The following NCOA2 variants were observed in gnomAD, a reference collection of about 807,000 sequenced individuals.
The protein encoded by NCOA2 is class E basic helix-loop-helix protein 75.
In NCOA2, 21 loss-of-function variants were observed where a neutral mutation model predicts 145.1. The ratio of observed to expected loss-of-function variants is 0.14; its 90% CI spans 0.10 to 0.21. The LOEUF (loss-of-function observed/expected upper bound fraction) is 0.21, where lower values mean the gene tolerates loss of function less well. NCOA2 is among the 10% of genes least tolerant of loss of function. NCOA2 has a pLI of 1.00. For synonymous variants in NCOA2, 619 were observed against 637.5 expected (o/e 0.97, Z 0.44); for missense variants, 1,472 against 1,837.6 (o/e 0.80, Z 3.64).
chr8:70,175,316 A>T (rs1814705866), intron 4 of NCOA2, among the ~76,000 whole-genome samples: 1 of 152,248 alleles, frequency 6.6e-6, no homozygotes, highest in Non-Finnish European at 1.5e-5. Context: ...TGCCCCCATG[A>T]GACATTCTGC....
At chr8:70,151,184 AG>A (rs1457184146) in intron 11 of NCOA2, among the ~76,000 whole-genome samples, 1 of 152,236 alleles carries the variant, frequency 6.6e-6, no homozygotes. Flanking sequence ...ATAAAAGTAA[AG>A]TATGTTATTT....
At chr8:70,167,188 T>C (rs1031126443) in intron 6 of NCOA2, among the ~76,000 whole-genome samples, 1 of 152,248 alleles carries the variant, frequency 6.6e-6, no homozygotes, top group Non-Finnish European at 1.5e-5. Context: ...AAGTCAGCCC[T>C]GCTCAAAATT....
At chr8:70,147,809 A>T (rs1228470457) in intron 12 of NCOA2, among the ~76,000 whole-genome samples, 4 of 151,596 alleles carry the variant, frequency 2.6e-5, no homozygotes, top group Non-Finnish European at 5.9e-5. Flanking sequence ...ATATTTTATT[A>T]TTTTTTTTTA....
intron 1 of NCOA2, among the ~76,000 whole-genome samples, chr8:70,339,113 G>A (rs1807894374): frequency 6.6e-6 from 1 of 151,978 alleles, no homozygotes; most frequent in South Asian, 2.1e-4. Flanking sequence ...AGAAATAAAG[G>A]GTATTCAAAT....
rs749726542 is a variant in NCOA2 at position 70,159,498 on chromosome 8, G to C, written c.1124+7C>G. 1 of 1,579,230 alleles carries C rather than the reference G, an allele frequency of 6.3e-7. No homozygotes were observed. The highest frequency in any genetic ancestry group is 1.3e-5 in the African/African-American group (1 of 74,528). ...AATGGAAAATGACTTCTTAGAACTAGGATTACCTGTGAAGCATATGTAAAG... is the reference window on the plus strand; with the variant it reads ...AATGGAAAATGACTTCTTAGAACTACGATTACCTGTGAAGCATATGTAAAG... On this transcript the variant is annotated splice_region_variant and intron_variant, in intron 10 of 22. Coordinates refer to ENST00000452400, the MANE Select transcript of NCOA2 (RefSeq NM_006540.4).
At chr8:70,183,227 T>C (rs1390628598) in intron 4 of NCOA2, among the ~76,000 whole-genome samples, 1 of 152,054 alleles carries the variant, frequency 6.6e-6, no homozygotes, top group African/African-American at 2.4e-5. Flanking sequence ...AAAAAATCAA[T>C]GGGTGTGAAA....
chr8:70,152,608 A>G (rs1811865418), intron 11 of NCOA2, among the ~76,000 whole-genome samples: 1 of 152,236 alleles, frequency 6.6e-6, no homozygotes, highest in South Asian at 2.1e-4. Flanking sequence ...TTGGTTAAGT[A>G]TCAACCATGT....
At chr8:70,300,672 T>C (rs747913169) in intron 1 of NCOA2, among the ~76,000 whole-genome samples, 1 of 152,128 alleles carries the variant, frequency 6.6e-6, no homozygotes, top group Admixed American at 6.5e-5. Flanking sequence ...TTTAAGTGAA[T>C]GGATAGAAAC....
intron 1 of NCOA2, among the ~76,000 whole-genome samples, chr8:70,400,564 T>C (rs931146892): frequency 9.2e-5 from 14 of 152,150 alleles, no homozygotes; most frequent in Non-Finnish European, 5.9e-5. Flanking sequence ...TAACAAATGG[T>C]GGGGGGTTTT....
chr8:70,259,497 G>A (rs1456753576), intron 2 of NCOA2, among the ~76,000 whole-genome samples: 2 of 152,014 alleles, frequency 1.3e-5, no homozygotes, highest in African/African-American at 4.8e-5. Flanking sequence ...CAATTATTTT[G>A]TTATACTTCA....
At chr8:70,428,596 C>T in the NCOA2 span, among the ~76,000 whole-genome samples, 95 of 152,258 alleles carry the variant, frequency 6.2e-4, no homozygotes, top group African/African-American at 2.2e-3. Context: ...TGCACTTTAC[C>T]TGGGTGGCAG....
intron 2 of NCOA2, among the ~76,000 whole-genome samples, chr8:70,225,561 A>AAACGAAAAG (rs1307488502): frequency 6.6e-6 from 1 of 151,142 alleles, no homozygotes; most frequent in Admixed American, 6.6e-5. Context: ...AAAAAAAAAG[A>AAACGAAAAG]AAAGAAAAGA....
chr8:70,147,889 C>T (rs931344087), intron 12 of NCOA2, among the ~76,000 whole-genome samples: 1 of 151,974 alleles, frequency 6.6e-6, no homozygotes, highest in Non-Finnish European at 1.5e-5. Flanking sequence ...TGTATTATCC[C>T]TAAAAAGTCA....
At chr8:70,309,341 C>T (rs770799433) in intron 1 of NCOA2, among the ~76,000 whole-genome samples, 2 of 149,836 alleles carry the variant, frequency 1.3e-5, no homozygotes, top group African/African-American at 4.9e-5. Flanking sequence ...AAAAATGAAT[C>T]GCCTTTCATA....
In NCOA2 at chr8:70,148,811, G is replaced by T. The variant is rs188096804; in HGVS notation, c.2395-328C>A. Among the ~76,000 whole-genome samples, 7 of 152,188 alleles carry T rather than the reference G, an allele frequency of 4.6e-5. No homozygotes were observed. The East Asian group carries it at 1.3e-3, about 29-fold the overall frequency. On this transcript the variant is annotated intron_variant, in intron 11 of 22. Transcript: ENST00000452400. Reference sequence around the variant, plus strand: ...ATGCTTATCATTCAATTAATTATAAGAATATATATTTCCAATTAATTATGA... The same window carrying T: ...ATGCTTATCATTCAATTAATTATAATAATATATATTTCCAATTAATTATGA...
At chr8:70,285,074 C>G (rs1826144049) in intron 2 of NCOA2, among the ~76,000 whole-genome samples, 1 of 152,140 alleles carries the variant, frequency 6.6e-6, no homozygotes, top group South Asian at 2.1e-4. Flanking sequence ...CTACAGGTGA[C>G]TACCTATAAA....
intron 2 of NCOA2, among the ~76,000 whole-genome samples, chr8:70,240,167 A>G (rs954902667): frequency 6.6e-6 from 1 of 152,186 alleles, no homozygotes; most frequent in Non-Finnish European, 1.5e-5. Flanking sequence ...AACAAGCTTC[A>G]GTGTCATTTC....
At chr8:70,233,686 T>C (rs1336759140) in intron 2 of NCOA2, among the ~76,000 whole-genome samples, 1 of 152,204 alleles carries the variant, frequency 6.6e-6, no homozygotes. Flanking sequence ...GTTCCTCCTT[T>C]AACCTCTCCA....
chr8:70,136,909 A>G (rs982401984), intron 15 of NCOA2, among the ~76,000 whole-genome samples: 2 of 152,252 alleles, frequency 1.3e-5, no homozygotes, highest in Non-Finnish European at 2.9e-5. Context: ...GTGGCTAGAA[A>G]AACTGAAATA....
Sources: gnomAD v4.1 joint callset for allele counts (sites outside exome capture counted in the v4.1 genomes callset) on GRCh38, gnomAD v4.1.1 for gene constraint, MANE v1.5 for transcripts, NCBI Gene and HGNC (gene_info 2026-07-23, HGNC 2026-07-21) for gene names.